The following CLDN14 variants were observed in gnomAD, a reference collection of about 807,000 sequenced individuals.
CLDN14 encodes the protein claudin 14, also known as claudin-14.
In CLDN14, 2 loss-of-function variants were observed where a neutral mutation model predicts 2.1. The ratio of observed to expected loss-of-function variants is 0.96; its 90% CI spans 0.39 to 3.01. The LOEUF (loss-of-function observed/expected upper bound fraction) is 3.01. Ranked by LOEUF, CLDN14 falls within the 30% of genes most tolerant of loss-of-function variation. The pLI, the probability that CLDN14 is intolerant of heterozygous loss-of-function variation, is 0.09. For synonymous variants in CLDN14, 136 were observed against 154.4 expected (o/e 0.88, Z 0.88); for missense variants, 298 against 328.0 (o/e 0.91, Z 0.71).
In CLDN14 at chr21:36,461,203, A is replaced by G. The variant is rs1028712025; in HGVS notation, c.493T>C (p.Tyr165His). ...AGGGACGAGGAGATGAAGCCCAGGT[A>G]CAGGGCCTGGCCAATCTCAAACTTC... Reference protein sequence around the residue: ...GMKFEIGQALYLGFISSSLSL... With the variant: ...GMKFEIGQALHLGFISSSLSL... The change falls in exon 2 of 2, where the codon TAC becomes CAC. Residue 165 changes from tyrosine to histidine, a missense_variant. Coordinates refer to ENST00000399135, the MANE Select transcript of CLDN14 (RefSeq NM_001146079.2). The G allele has an allele frequency of 6.2e-7, 1 of 1,614,002 alleles. No homozygotes were observed. The highest frequency in any genetic ancestry group is 1.3e-5 in the African/African-American group (1 of 74,952).
intron 1 of CLDN14, among the ~76,000 whole-genome samples, chr21:36,466,700 T>A (rs1327202784): frequency 6.6e-6 from 1 of 152,174 alleles, no homozygotes; most frequent in African/African-American, 2.4e-5. Context: ...TGTCCTCACA[T>A]TTCAAAACAC....
At chr21:36,529,531 C>T (rs568970930) in intron 1 of CLDN14, among the ~76,000 whole-genome samples, 2 of 152,288 alleles carry the variant, frequency 1.3e-5, no homozygotes, top group South Asian at 2.1e-4. Flanking sequence ...TGCCAGAGGC[C>T]TCCCAAAGTG....
chr21:36,488,513 A>G (rs1601606006), intron 2 of CLDN14, among the ~76,000 whole-genome samples: 1 of 151,716 alleles, frequency 6.6e-6, no homozygotes, highest in South Asian at 2.1e-4. Flanking sequence ...CTCGTGATCC[A>G]CCCTCCTCGG....
chr21:36,560,922 A>G (rs1351860212), intron 1 of CLDN14, among the ~76,000 whole-genome samples: 1 of 152,192 alleles, frequency 6.6e-6, no homozygotes, highest in Non-Finnish European at 1.5e-5. Context: ...GTTTGTTTTT[A>G]ATTTCTAACC....
At chr21:36,477,960 C>G (rs541715070) in intron 1 of CLDN14, among the ~76,000 whole-genome samples, 27 of 152,348 alleles carry the variant, frequency 1.8e-4, no homozygotes, top group African/African-American at 6.3e-4. Flanking sequence ...ACTGGCAAGG[C>G]TGGCCACCTG....
At chr21:36,537,616 T>TACAATTTACA (rs1352261311) in intron 1 of CLDN14, among the ~76,000 whole-genome samples, 1 of 151,868 alleles carries the variant, frequency 6.6e-6, no homozygotes, top group East Asian at 1.9e-4. Flanking sequence ...ATTTACAATT[T>TACAATTTACA]ACAATTTACC....
At chr21:36,562,638 A>G (rs1307426142) in intron 1 of CLDN14, among the ~76,000 whole-genome samples, 1 of 152,000 alleles carries the variant, frequency 6.6e-6, no homozygotes, top group Non-Finnish European at 1.5e-5. Context: ...AATAATCTCT[A>G]AAGAAATGCG....
intron 1 of CLDN14, among the ~76,000 whole-genome samples, chr21:36,513,672 C>G (rs933581708): frequency 1.3e-5 from 2 of 152,142 alleles, no homozygotes; most frequent in African/African-American, 4.8e-5. Flanking sequence ...CATAAGCCCT[C>G]TGTGGCTGGG....
intron 1 of CLDN14, among the ~76,000 whole-genome samples, chr21:36,554,558 A>G (rs529435204): frequency 6.6e-6 from 1 of 152,376 alleles, no homozygotes; most frequent in African/African-American, 2.4e-5. Flanking sequence ...CAAGATGGAT[A>G]CTATAATTAC....
intron 2 of CLDN14, among the ~76,000 whole-genome samples, chr21:36,509,113 C>T (rs73392026): frequency 0.047 from 7,130 of 152,220 alleles, 563 homozygotes; most frequent in African/African-American, 0.16. Flanking sequence ...AAATTATTAT[C>T]CTGTCTCCAC....
intron 2 of CLDN14, among the ~76,000 whole-genome samples, chr21:36,509,042 C>T (rs976805643): frequency 1.3e-5 from 2 of 152,206 alleles, no homozygotes; most frequent in Non-Finnish European, 2.9e-5. Flanking sequence ...TTAGAGTACT[C>T]AGCCTTTCCT....
intron 1 of CLDN14, among the ~76,000 whole-genome samples, chr21:36,554,139 T>C (rs1024858988): frequency 6.6e-6 from 1 of 152,168 alleles, no homozygotes; most frequent in Non-Finnish European, 1.5e-5. Flanking sequence ...ACTGGATGTG[T>C]CTGCCTTGTT....
intron 1 of CLDN14, among the ~76,000 whole-genome samples, chr21:36,525,787 A>G (rs1175973015): frequency 6.6e-6 from 1 of 152,172 alleles, no homozygotes; most frequent in Non-Finnish European, 1.5e-5. Flanking sequence ...CTGCCCTCTC[A>G]TCAGGAACGG....
chr21:36,494,607 T>C (rs2086998129), intron 2 of CLDN14, among the ~76,000 whole-genome samples: 1 of 152,040 alleles, frequency 6.6e-6, no homozygotes. Flanking sequence ...TTAAAATGAG[T>C]TCGTACGGGT....
chr21:36,530,712 C>A (rs1159549959), intron 1 of CLDN14, among the ~76,000 whole-genome samples: 1 of 152,068 alleles, frequency 6.6e-6, no homozygotes, highest in East Asian at 1.9e-4. Flanking sequence ...GGAGAATAAA[C>A]AGGTAGCAAA....
chr21:36,514,656 TGTGTGTAG>T lies in CLDN14; in HGVS notation c.-219-4164_-219-4157del, dbSNP rs1404166702. Among the ~76,000 whole-genome samples the T allele has an allele frequency of 3.6e-3, 527 of 144,560 alleles. 4 individuals carry two copies. Among genetic ancestry groups the T allele is most frequent in the African/African-American group, 0.014 (508 of 36,842 alleles). The allele number at this position is 144,560 out of a possible 152,430, so 94.8% of individuals were successfully genotyped here. On this transcript the variant is annotated intron_variant, in intron 1 of 2. Transcript: ENST00000342108. ...GTGTGTGTGTGTGTGTGTGTGTGTGTGTGTGTAGAGAGACAGGAGGGAGAGAAGAGGAG... is the reference window on the plus strand; with the variant it reads ...GTGTGTGTGTGTGTGTGTGTGTGTGTAGAGACAGGAGGGAGAGAAGAGGAG...
intron 1 of CLDN14, among the ~76,000 whole-genome samples, chr21:36,471,419 G>T (rs1412286513): frequency 6.6e-6 from 1 of 152,194 alleles, no homozygotes; most frequent in East Asian, 1.9e-4. Context: ...CTTAAAAAGT[G>T]TGTGAATTCA....
At chr21:36,517,874 C>A (rs998244956) in intron 1 of CLDN14, among the ~76,000 whole-genome samples, 14 of 152,110 alleles carry the variant, frequency 9.2e-5, no homozygotes, top group Non-Finnish European at 1.6e-4. Context: ...GGGGCTCACC[C>A]AATCAGTTGA....
At chr21:36,505,455 A>C (rs1268633425) in intron 2 of CLDN14, among the ~76,000 whole-genome samples, 4 of 152,224 alleles carry the variant, frequency 2.6e-5, no homozygotes, top group Non-Finnish European at 5.9e-5. Flanking sequence ...CCAAACAGCT[A>C]AGAAAGGGCT....
Sources: allele counts gnomAD v4.1 joint callset (sites outside exome capture counted in the v4.1 genomes callset), GRCh38; gene constraint gnomAD v4.1.1; transcripts MANE v1.5; gene names NCBI Gene and HGNC (gene_info 2026-07-23, HGNC 2026-07-21).